Variants in TNRC6B observed in about 807,000 individuals in gnomAD.
TNRC6B encodes the protein trinucleotide repeat-containing gene 6B protein.
A neutral mutation model predicts 203.6 loss-of-function variants in TNRC6B; 52 were observed. The ratio of observed to expected loss-of-function variants is 0.26; its 90% CI spans 0.20 to 0.32. TNRC6B has a LOEUF of 0.32. Ranked by LOEUF, TNRC6B falls within the 10% of genes least tolerant of loss-of-function variation. The probability of loss-of-function intolerance (pLI) is 1.00; values close to 1 mark genes in which losing one functional copy is unlikely to be tolerated. For missense variants in TNRC6B, 1,923 were observed against 2,286.2 expected, an observed-to-expected ratio of 0.84 and a Z score of 3.24; for synonymous variants, 838 against 845.7, an observed-to-expected ratio of 0.99 and a Z score of 0.16.
At chr22:40,070,298 T>C (rs903561724) in intron 1 of TNRC6B, among the ~76,000 whole-genome samples, 1 of 152,218 alleles carries the variant, frequency 6.6e-6, no homozygotes, top group African/African-American at 2.4e-5. Context: ...CTTCTTGGAT[T>C]TTGTGACTTT....
intron 12 of TNRC6B, among the ~76,000 whole-genome samples, chr22:40,299,255 T>G (rs1399267186): frequency 2.6e-5 from 4 of 151,888 alleles, no homozygotes; most frequent in Non-Finnish European, 5.9e-5. Flanking sequence ...TTTTTTTTTT[T>G]TGAGATGGAA....
At chr22:40,081,500 T>C (rs1244268900) in intron 1 of TNRC6B, among the ~76,000 whole-genome samples, 1 of 152,202 alleles carries the variant, frequency 6.6e-6, no homozygotes, top group Non-Finnish European at 1.5e-5. Flanking sequence ...CATAATGCTC[T>C]ATACCATAAT....
rs1211012245 is a variant in TNRC6B, at chr22:40,155,390, GC to G, written c.46-724del. 1.7e-4 allele frequency among the ~76,000 whole-genome samples: 26 copies of G among 152,252 alleles called. 2 individuals are homozygous for G. The South Asian group carries it at 4.1e-3, about 24-fold the overall frequency. On this transcript the variant is annotated intron_variant, in intron 3 of 23. Coordinates refer to the TNRC6B transcript ENST00000301923. Reference sequence around the variant, plus strand: ...TGCCACCTCTGCCTCCCAGGTTCAAGCAATTCTTCTGTCTCAGCCTCCTGAG... The same window carrying G: ...TGCCACCTCTGCCTCCCAGGTTCAAGAATTCTTCTGTCTCAGCCTCCTGAG...
chr22:40,046,239 A>G (rs1035848382), intron 1 of TNRC6B, among the ~76,000 whole-genome samples: 1 of 152,234 alleles, frequency 6.6e-6, no homozygotes, highest in African/African-American at 2.4e-5. Flanking sequence ...TTGGCTTCGA[A>G]AGTACAGATG....
chr22:40,197,226 C>T (rs151249233), intron 1 of TNRC6B, among the ~76,000 whole-genome samples: 1 of 152,028 alleles, frequency 6.6e-6, no homozygotes, highest in Non-Finnish European at 1.5e-5. Context: ...CTGTGCTGAT[C>T]GTGTGCAGAA....
intron 1 of TNRC6B, among the ~76,000 whole-genome samples, chr22:40,086,590 G>A (rs1569255513): frequency 2.0e-5 from 3 of 152,154 alleles, no homozygotes. Context: ...AGGATATATG[G>A]AGGCACATTT....
intron 4 of TNRC6B, among the ~76,000 whole-genome samples, chr22:40,169,404 A>C (rs1290326915): frequency 6.6e-6 from 1 of 152,118 alleles, no homozygotes; most frequent in Non-Finnish European, 1.5e-5. Context: ...TGCTGGGATC[A>C]CAGGTGTGAG....
rs2071354681 is a variant in TNRC6B, at chr22:40,322,934, C to G, written c.5195C>G (p.Pro1732Arg). Residue 1732 changes from proline to arginine, a missense_variant, in exon 23 of 23, where the codon CCC (proline) becomes CGC (arginine). Transcript: ENST00000454349. ...AGCCGCTTTCTGGCACAAGCTCAGC[C>G]CCCTACACCTGCAGCAACCCCAAGT... ...EVSRFLAQAQ[P>R]PTPAATPSAP... 1.9e-6 allele frequency: 3 copies of G among 1,613,820 alleles called. No homozygotes were observed. Among genetic ancestry groups the G allele is most frequent in the Non-Finnish European group, 2.5e-6 (3 of 1,179,812 alleles).
chr22:40,154,892 T>C lies in TNRC6B; in HGVS notation c.46-1223T>C, dbSNP rs781625267. ...ATATATATATATATATATATATATA[T>C]ATACATATATATATATATTCTGCTT... is the stretch of plus-strand genomic sequence containing the variant. On this transcript the variant is annotated intron_variant, in intron 3 of 23. Transcript: ENST00000301923. 8.4e-3 allele frequency among the ~76,000 whole-genome samples: 339 copies of C among 40,506 alleles called. 4 individuals carry two copies. Among genetic ancestry groups the C allele is most frequent in the Middle Eastern group, 0.042 (4 of 96 alleles). 26.6% of individuals were successfully genotyped at this position (40,506 alleles called of 152,430 possible). A position where few individuals can be genotyped will look rare whatever the true frequency, so the allele number is the denominator to read the frequency against.
chr22:40,051,153 G>A (rs1030320409), intron 1 of TNRC6B, among the ~76,000 whole-genome samples: 3 of 152,076 alleles, frequency 2.0e-5, no homozygotes, highest in Non-Finnish European at 4.4e-5. Flanking sequence ...CCTTGCCTAC[G>A]TCCTCAGTGT....
intron 22 of TNRC6B, among the ~76,000 whole-genome samples, chr22:40,322,440 G>A (rs974975240): frequency 2.6e-5 from 4 of 152,250 alleles, no homozygotes; most frequent in East Asian, 3.9e-4. Flanking sequence ...GTATAATGAC[G>A]GGTATCTACC....
At chr22:40,308,457 A>G in intron 15 of TNRC6B, 55 bp from the exon 16 acceptor site, 2 of 1,609,012 alleles carry the variant, frequency 1.2e-6, no homozygotes, top group Non-Finnish European at 1.7e-6. Context: ...ACTCTGCTTC[A>G]GAACTCTTGA....
At chr22:40,170,825 G>GTA (rs1202109912) in intron 4 of TNRC6B, among the ~76,000 whole-genome samples, 18 of 22,960 alleles carry the variant, frequency 7.8e-4, no homozygotes, top group Admixed American at 5.0e-3. Flanking sequence ...ATATGTGTGT[G>GTA]TATATACATA....
At chr22:40,137,107 G>A (rs948431420) in intron 3 of TNRC6B, among the ~76,000 whole-genome samples, 1 of 152,158 alleles carries the variant, frequency 6.6e-6, no homozygotes, top group African/African-American at 2.4e-5. Flanking sequence ...TTGGTAATTT[G>A]TTTTGTTTGT....
intron 15 of TNRC6B, among the ~76,000 whole-genome samples, chr22:40,306,573 A>T (rs1190177371): frequency 6.6e-6 from 1 of 152,250 alleles, no homozygotes; most frequent in Non-Finnish European, 1.5e-5. Flanking sequence ...TTAGGCCATT[A>T]AGGCTATGTC....
chr22:40,228,813 C>G (rs530014656), intron 1 of TNRC6B, among the ~76,000 whole-genome samples: 1 of 152,022 alleles, frequency 6.6e-6, no homozygotes, highest in Non-Finnish European at 1.5e-5. Flanking sequence ...CATGAGCCAC[C>G]GCGCCCAGCC....
At chr22:40,167,713 A>T (rs1374130597) in intron 4 of TNRC6B, among the ~76,000 whole-genome samples, 3 of 146,310 alleles carry the variant, frequency 2.1e-5, no homozygotes, top group African/African-American at 7.9e-5. Context: ...CCAAAAAAAA[A>T]AAAAAAAAAA....
intron 7 of TNRC6B, among the ~76,000 whole-genome samples, chr22:40,274,528 C>T (rs1238013155): frequency 6.6e-6 from 1 of 151,428 alleles, no homozygotes; most frequent in African/African-American, 2.4e-5. Context: ...TCACACCATT[C>T]TCCTGCCTCA....
chr22:40,143,786 G>GCA (rs2068667234), intron 3 of TNRC6B, among the ~76,000 whole-genome samples: 1 of 152,198 alleles, frequency 6.6e-6, no homozygotes, highest in Admixed American at 6.5e-5. Flanking sequence ...GTGAGCCACT[G>GCA]TGCCCGGCCT....
Sources: allele counts gnomAD v4.1 joint callset (sites outside exome capture counted in the v4.1 genomes callset), GRCh38; gene constraint gnomAD v4.1.1; transcripts MANE v1.5; gene names NCBI Gene and HGNC (gene_info 2026-07-23, HGNC 2026-07-21).